ACOXL: variants seen among roughly 807,000 people sequenced by gnomAD.
The protein encoded by ACOXL is acyl-CoA oxidase like.
In ACOXL, 70 loss-of-function variants were observed where a neutral mutation model predicts 71.9. That is an observed-to-expected ratio of 0.97 (90% CI 0.80 to 1.19). ACOXL has a LOEUF of 1.19. ACOXL is among the 50% of genes most tolerant of loss of function. ACOXL has a pLI of 0.00. For synonymous variants in ACOXL, 253 were observed against 281.6 expected (o/e 0.90, Z 1.02); for missense variants, 703 against 736.3 (o/e 0.95, Z 0.52).
intron 1 of ACOXL, among the ~76,000 whole-genome samples, chr2:110,757,860 T>C (rs996539920): frequency 1.3e-5 from 2 of 152,150 alleles, no homozygotes; most frequent in African/African-American, 4.8e-5. Flanking sequence ...ACTCTGATGA[T>C]AGTTTCTTTT....
chr2:110,880,289 G>A (rs913350334), intron 10 of ACOXL, among the ~76,000 whole-genome samples: 1 of 152,108 alleles, frequency 6.6e-6, no homozygotes, highest in African/African-American at 2.4e-5. Context: ...CACCTTCCCA[G>A]CGTGCTAGTC....
intron 13 of ACOXL, among the ~76,000 whole-genome samples, chr2:110,994,655 C>T (rs933987360): frequency 2.0e-5 from 3 of 152,190 alleles, no homozygotes; most frequent in Non-Finnish European, 4.4e-5. Flanking sequence ...ATGAAAAGCT[C>T]ACGAGCTTTT....
chr2:110,872,424 G>A (rs1057195347), intron 10 of ACOXL, among the ~76,000 whole-genome samples: 8 of 152,336 alleles, frequency 5.3e-5, no homozygotes, highest in Admixed American at 2.0e-4. Flanking sequence ...AGGCTAGTGC[G>A]TATATATAGG....
At chr2:110,867,707 T>A (rs1397627904) in intron 10 of ACOXL, among the ~76,000 whole-genome samples, 1 of 151,936 alleles carries the variant, frequency 6.6e-6, no homozygotes, top group Non-Finnish European at 1.5e-5. Context: ...AATTAGGAGA[T>A]CAATATTAAA....
intron 9 of ACOXL, among the ~76,000 whole-genome samples, chr2:110,824,559 T>C (rs1407177620): frequency 3.3e-5 from 5 of 152,202 alleles, no homozygotes; most frequent in African/African-American, 1.2e-4. Flanking sequence ...TTAATGTCTT[T>C]TCAAGCTCAC....
At chr2:110,934,832 T>C (rs1034468777) in intron 12 of ACOXL, among the ~76,000 whole-genome samples, 1 of 152,088 alleles carries the variant, frequency 6.6e-6, no homozygotes, top group Non-Finnish European at 1.5e-5. Flanking sequence ...GCTTCATTCC[T>C]ATGGGGTTGT....
At chr2:110,748,833 C>T (rs772833389) in intron 1 of ACOXL, among the ~76,000 whole-genome samples, 1 of 152,160 alleles carries the variant, frequency 6.6e-6, no homozygotes, top group Non-Finnish European at 1.5e-5. Context: ...ACTGCTTGGC[C>T]GTGGTTTCAC....
At chr2:110,905,282 G>C (rs981192126) in intron 10 of ACOXL, among the ~76,000 whole-genome samples, 48 of 152,146 alleles carry the variant, frequency 3.2e-4, no homozygotes, top group Admixed American at 3.1e-3. Context: ...CCAAAAATGA[G>C]TCCAATTAGA....
At chr2:111,115,522 T>C (rs1280426305) in intron 17 of ACOXL, 1 of 152,156 alleles carries the variant, frequency 6.6e-6, no homozygotes, top group Non-Finnish European at 1.5e-5. Context: ...CAGCATACCA[T>C]TTGTGAGTGA....
intron 2 of ACOXL, among the ~76,000 whole-genome samples, chr2:110,773,780 T>C (rs1573449763): frequency 6.6e-6 from 1 of 152,222 alleles, no homozygotes; most frequent in East Asian, 1.9e-4. Flanking sequence ...CATTGGCCAC[T>C]TGGCCAGCAC....
intron 5 of ACOXL, among the ~76,000 whole-genome samples, chr2:110,794,435 G>A (rs1459144798): frequency 6.6e-6 from 1 of 152,214 alleles, no homozygotes; most frequent in Admixed American, 6.5e-5. Flanking sequence ...CACTTTGTGT[G>A]CACTTGTGAA....
intron 16 of ACOXL, among the ~76,000 whole-genome samples, chr2:111,061,422 T>C (rs547186853): frequency 6.6e-6 from 1 of 152,142 alleles, no homozygotes; most frequent in South Asian, 2.1e-4. Context: ...AGTGCAAATA[T>C]CATTTAGGAA....
intron 9 of ACOXL, 105 bp downstream of exon 9, chr2:110,805,500 A>T: frequency 6.7e-7 from 1 of 1,502,524 alleles, no homozygotes; most frequent in Non-Finnish European, 9.1e-7. Flanking sequence ...CAGTTGGTAT[A>T]ATATGGCCAG....
At chr2:110,925,742 A>T (rs2060245340) in intron 11 of ACOXL, among the ~76,000 whole-genome samples, 1 of 152,118 alleles carries the variant, frequency 6.6e-6, no homozygotes, top group South Asian at 2.1e-4. Context: ...ATTTCCTTCA[A>T]GAACTTTTCC....
At chr2:110,839,437 C>CT (rs1395302347) in intron 9 of ACOXL, among the ~76,000 whole-genome samples, 1 of 152,214 alleles carries the variant, frequency 6.6e-6, no homozygotes, top group African/African-American at 2.4e-5. Context: ...TTGATTGTCT[C>CT]TGAGGCATCT....
At chr2:110,913,915 G>A (rs760363291) in intron 11 of ACOXL, among the ~76,000 whole-genome samples, 8 of 152,088 alleles carry the variant, frequency 5.3e-5, no homozygotes, top group Non-Finnish European at 7.4e-5. Context: ...ATCCACCCCC[G>A]TGACCCAAAT....
At chr2:110,955,933 ATTTTTTT>A (rs67285328) in intron 12 of ACOXL, among the ~76,000 whole-genome samples, 4 of 101,768 alleles carry the variant, frequency 3.9e-5, no homozygotes, top group East Asian at 5.6e-4. Context: ...CTTGCCACAG[ATTTTTTT>A]TTTTTTTTTT....
intron 10 of ACOXL, among the ~76,000 whole-genome samples, chr2:110,901,847 G>A (rs556302467): frequency 1.3e-5 from 2 of 152,058 alleles, no homozygotes; most frequent in African/African-American, 4.8e-5. Context: ...CTAATATGGT[G>A]AAACCCCATC....
chr2:110,735,383 A>G lies in ACOXL; in HGVS notation c.-23+2609A>G, dbSNP rs537601090. The stretch of plus-strand genomic sequence containing the variant: ...ACCCCAAACAGGTCTTTGCAGTTAA[A>G]GTAGGTGTAGGGGAGAGGGTTGTGG... On this transcript the variant is annotated intron_variant, in intron 1 of 17. Transcript: ENST00000439055. Among the ~76,000 whole-genome samples the G allele has an allele frequency of 2.6e-5, 4 of 152,320 alleles. No homozygotes were observed. In the East Asian group the frequency reaches 7.7e-4, roughly 29 times the overall value.
Sources: allele counts gnomAD v4.1 joint callset (sites outside exome capture counted in the v4.1 genomes callset), GRCh38; gene constraint gnomAD v4.1.1; transcripts MANE v1.5; gene names NCBI Gene and HGNC (gene_info 2026-07-23, HGNC 2026-07-21).